The following FOXP1 variants were observed in gnomAD, a reference collection of about 807,000 sequenced individuals.
FOXP1 encodes the protein forkhead box protein P1.
In FOXP1, 15 loss-of-function variants were observed where a neutral mutation model predicts 98.2. The observed-to-expected ratio is 0.15, with a 90% CI of 0.10 to 0.24. The LOEUF (loss-of-function observed/expected upper bound fraction) is 0.24, where lower values mean the gene tolerates loss of function less well. Ranked by LOEUF, FOXP1 falls within the 10% of genes least tolerant of loss-of-function variation. The pLI is 1.00. For missense variants in FOXP1, 633 were observed against 848.5 expected, an observed-to-expected ratio of 0.75 and a Z score of 3.15; for synonymous variants, 371 against 314.5, an observed-to-expected ratio of 1.18 and a Z score of -1.90.
At chr3:70,966,954 T>C (rs564025269) in intron 19 of FOXP1, among the ~76,000 whole-genome samples, 2 of 152,280 alleles carry the variant, frequency 1.3e-5, no homozygotes, top group African/African-American at 2.4e-5. Flanking sequence ...CTAAGTAAGG[T>C]ACCCAAAAAT....
In FOXP1 at chr3:71,498,206, A is replaced by C. The variant is rs1330035835; in HGVS notation, c.-297-4651T>G. On this transcript the variant is annotated intron_variant, in intron 2 of 20. Coordinates refer to ENST00000649528, the MANE Select transcript of FOXP1 (RefSeq NM_001349338.3). ...CCAAATCCCAGGGCCTGTGGTTGCAAAACAGCTCCAGAAAAACAGGTAGAG... is the reference window on the plus strand; with the variant it reads ...CCAAATCCCAGGGCCTGTGGTTGCACAACAGCTCCAGAAAAACAGGTAGAG... Among the ~76,000 whole-genome samples, 3 of 152,204 alleles carry C rather than the reference A, an allele frequency of 2.0e-5. No individual in the cohort carries two copies. In the East Asian group the frequency reaches 5.8e-4, roughly 29 times the overall value.
chr3:71,479,741 T>G (rs1199067256), intron 3 of FOXP1, among the ~76,000 whole-genome samples: 1 of 149,760 alleles, frequency 6.7e-6, no homozygotes, highest in Admixed American at 6.6e-5. Flanking sequence ...GACCATAAAC[T>G]ACATCATTTC....
chr3:70,971,220 T>C (rs973951179), intron 18 of FOXP1: 3 of 282,000 alleles, frequency 1.1e-5, no homozygotes, highest in Non-Finnish European at 2.1e-5. Flanking sequence ...CTAAGCATCT[T>C]TGAGATTTGA....
chr3:71,180,464 C>T (rs960501792), intron 6 of FOXP1, among the ~76,000 whole-genome samples: 4 of 151,660 alleles, frequency 2.6e-5, no homozygotes, highest in Middle Eastern at 3.4e-3. Flanking sequence ...AATGCAGGCA[C>T]AAGAATTTAG....
intron 4 of FOXP1, among the ~76,000 whole-genome samples, chr3:71,348,746 GT>G (rs1234663310): frequency 6.6e-6 from 1 of 151,986 alleles, no homozygotes; most frequent in Non-Finnish European, 1.5e-5. Flanking sequence ...ATTAACACAG[GT>G]TTTAGGATTC....
At chr3:71,413,151 C>T (rs974558840) in intron 3 of FOXP1, among the ~76,000 whole-genome samples, 21 of 139,280 alleles carry the variant, frequency 1.5e-4, no homozygotes, top group African/African-American at 5.8e-4. Context: ...CAGCCACACA[C>T]ATAACCCCCA....
intron 12 of FOXP1, among the ~76,000 whole-genome samples, chr3:71,002,154 A>G (rs1336591014): frequency 6.6e-6 from 1 of 152,140 alleles, no homozygotes; most frequent in Non-Finnish European, 1.5e-5. Context: ...ACAAATGTTC[A>G]CCTCTGGTAC....
chr3:71,493,562 C>T lies in FOXP1; in HGVS notation c.-297-7G>A, dbSNP rs1053053033. 6.6e-6 allele frequency: 1 copy of T among 152,194 alleles called. No homozygotes were observed. The highest frequency in any genetic ancestry group is 1.5e-5 in the Non-Finnish European group (1 of 68,038). 9.4% of individuals were successfully genotyped at this position (152,194 alleles called of 1,614,324 possible). On this transcript the variant is annotated splice_region_variant and splice_polypyrimidine_tract_variant and intron_variant, in intron 2 of 20. Transcript: ENST00000649528. ...AACAAAAGCTTCTGGGACACTGCAA[C>T]ACAAAAATATTTTTTACACATAACT... is the stretch of plus-strand genomic sequence containing the variant.
intron 2 of FOXP1, among the ~76,000 whole-genome samples, chr3:71,522,449 G>A (rs2043062767): frequency 6.6e-6 from 1 of 152,166 alleles, no homozygotes; most frequent in African/African-American, 2.4e-5. Context: ...ACAGGCTCTG[G>A]ATTCAGAAAG....
At chr3:71,404,120 C>CT (rs869086663) in intron 3 of FOXP1, among the ~76,000 whole-genome samples, 1,341 of 62,674 alleles carry the variant, frequency 0.021, 111 homozygotes, top group South Asian at 0.07. Context: ...TTTTCTTTTT[C>CT]TTTTTTTTTT....
intron 3 of FOXP1, among the ~76,000 whole-genome samples, chr3:71,434,517 TTGTGCAAATTAAAGAAATGTACACACA>T (rs1357818742): frequency 3.3e-5 from 5 of 152,090 alleles, no homozygotes; most frequent in Admixed American, 2.6e-4. Context: ...TTATGTACAC[TTGTGCAAATTAAAGAAATGTACACACA>T]AAAACACTAT....
chr3:71,232,983 C>A (rs11715940), intron 5 of FOXP1, among the ~76,000 whole-genome samples: 18,579 of 146,400 alleles, frequency 0.13, 1,501 homozygotes, highest in South Asian at 0.26. Flanking sequence ...ACTACTACTA[C>A]TAATAATAAT....
At chr3:71,185,682 T>C (rs1484830392) in intron 6 of FOXP1, among the ~76,000 whole-genome samples, 1 of 152,208 alleles carries the variant, frequency 6.6e-6, no homozygotes. Context: ...GCCTCTAGTC[T>C]TTCCAAGTGC....
chr3:71,011,864 G>T (rs1320394041), intron 12 of FOXP1, among the ~76,000 whole-genome samples: 2 of 152,110 alleles, frequency 1.3e-5, no homozygotes. Context: ...CTTTAGAAGA[G>T]AAATGGGCTC....
chr3:71,423,757 C>T (rs1279313741), intron 3 of FOXP1, among the ~76,000 whole-genome samples: 1 of 152,202 alleles, frequency 6.6e-6, no homozygotes, highest in Non-Finnish European at 1.5e-5. Context: ...CCTTCAGCAA[C>T]CCTGGCAGGG....
chr3:71,518,486 C>T (rs755503690), intron 2 of FOXP1, among the ~76,000 whole-genome samples: 14 of 152,142 alleles, frequency 9.2e-5, no homozygotes, highest in Non-Finnish European at 1.6e-4. Flanking sequence ...AACTTTTGGG[C>T]CCTTTTCTCC....
intron 3 of FOXP1, among the ~76,000 whole-genome samples, chr3:71,437,187 G>T (rs1387409186): frequency 1.3e-5 from 2 of 152,128 alleles, no homozygotes; most frequent in Non-Finnish European, 2.9e-5. Context: ...CAGGCAGATT[G>T]CTCGAGCCTA....
intron 18 of FOXP1, chr3:70,972,189 G>C (rs1380004833): frequency 1.3e-6 from 2 of 1,516,156 alleles, no homozygotes; most frequent in East Asian, 4.9e-5. Context: ...CCCTGGGATA[G>C]GAGCAGCAGC....
chr3:71,151,304 T>A (rs1211161948), intron 6 of FOXP1, among the ~76,000 whole-genome samples: 1 of 152,170 alleles, frequency 6.6e-6, no homozygotes, highest in Non-Finnish European at 1.5e-5. Context: ...CTCTCACCCA[T>A]ATAAGTTAAA....
Sources: gnomAD v4.1 joint callset for allele counts (sites outside exome capture counted in the v4.1 genomes callset) on GRCh38, gnomAD v4.1.1 for gene constraint, MANE v1.5 for transcripts, NCBI Gene and HGNC (gene_info 2026-07-23, HGNC 2026-07-21) for gene names.